The following STAU1 variants were observed in gnomAD, a reference collection of about 807,000 sequenced individuals.
STAU1 encodes the protein staufen double-stranded RNA binding protein 1.
Under a neutral mutation model 62.9 loss-of-function variants are expected in STAU1, and 13 were observed. The observed-to-expected ratio is 0.21, with a 90% CI of 0.13 to 0.33. The LOEUF (loss-of-function observed/expected upper bound fraction) is 0.33, where lower values mean the gene tolerates loss of function less well. Among genes scored for constraint, STAU1 ranks in the 10% least tolerant of loss-of-function variants. The pLI is 1.00. For synonymous variants in STAU1, 269 were observed against 265.1 expected (o/e 1.01, Z -0.14); for missense variants, 571 against 712.1 (o/e 0.80, Z 2.25).
intron 3 of STAU1, among the ~76,000 whole-genome samples, chr20:49,159,454 A>G (rs2093416995): frequency 6.6e-6 from 1 of 152,254 alleles, no homozygotes. Context: ...GCATTAGCCA[A>G]AATATAATAA....
upstream of STAU1, among the ~76,000 whole-genome samples, chr20:49,189,545 G>A (rs902054515): frequency 5.3e-5 from 8 of 150,624 alleles, no homozygotes; most frequent in South Asian, 8.4e-4. Context: ...TCTTGAACCC[G>A]GGAGACGGAG....
chr20:49,138,226 T>G (rs1485218002), intron 5 of STAU1, among the ~76,000 whole-genome samples: 7 of 152,004 alleles, frequency 4.6e-5, no homozygotes, highest in Admixed American at 4.6e-4. Flanking sequence ...GAGGCTGAGG[T>G]GGCTATGATC....
chr20:49,196,513 G>A, the STAU1 span, among the ~76,000 whole-genome samples: 15 of 150,968 alleles, frequency 9.9e-5, no homozygotes, highest in Admixed American at 9.9e-4. Context: ...GAGGCCAGGT[G>A]TGGCAGCTCA....
At chr20:49,178,224 A>G (rs2093683141) in intron 1 of STAU1, among the ~76,000 whole-genome samples, 1 of 152,152 alleles carries the variant, frequency 6.6e-6, no homozygotes, top group Non-Finnish European at 1.5e-5. Context: ...CTATTTTTTG[A>G]AATCCTCCAA....
the STAU1 span, among the ~76,000 whole-genome samples, chr20:49,196,444 C>CAAAAAAAAAA: frequency 7.6e-5 from 7 of 91,528 alleles, no homozygotes; most frequent in African/African-American, 1.9e-4. Flanking sequence ...CAAAACAAAA[C>CAAAAAAAAAA]AAAAAAAAAA....
In STAU1 at chr20:49,120,060, G is replaced by A. The variant is rs186525463; in HGVS notation, c.1035C>T (p.Ala345=). 59 of 1,614,158 alleles carry A rather than the reference G, an allele frequency of 3.7e-5. No homozygotes were observed. The East Asian group carries it at 5.8e-4, about 16-fold the overall frequency. Residue 345 remains alanine, a synonymous_variant, in exon 9 of 14, where the codon GCC becomes GCT. Transcript: ENST00000371856. The part of the protein sequence containing the change: ...TNKKVAKRNA[A]ENMLEILGFK... ...AACCAAGGATCTCCAGCATGTTCTC[G>A]GCTGCATTGCGCTTGGCCACCTTCT...
In STAU1 at chr20:49,153,923, A is replaced by T. The variant is rs74643561; in HGVS notation, c.344+10T>A. On this transcript the variant is annotated intron_variant, in intron 4 of 13. Coordinates refer to ENST00000371856, the MANE Select transcript of STAU1 (RefSeq NM_017453.4). ...GTATTTTACAAAAAAAAAAAAAAAAAAACACATACCTCGGGGGATAAGCAC... is the reference window on the plus strand; with the variant it reads ...GTATTTTACAAAAAAAAAAAAAAAATAACACATACCTCGGGGGATAAGCAC... The T allele has an allele frequency of 2.6e-6, 4 of 1,546,260 alleles. No individual in the cohort carries two copies. In the African/African-American group the frequency reaches 6.0e-5, roughly 23 times the overall value.
intron 1 of STAU1, among the ~76,000 whole-genome samples, chr20:49,180,338 C>CA (rs900053147): frequency 2.7e-5 from 4 of 150,666 alleles, no homozygotes; most frequent in African/African-American, 9.8e-5. Context: ...TTTTTCCCCC[C>CA]CTGGATACAG....
At position 49,125,198 on chromosome 20, in the gene STAU1, C is replaced by CAAAAAAAAAAA. The variant is rs1171534142; in HGVS notation, c.610-622_610-612dup. 2.7e-3 allele frequency among the ~76,000 whole-genome samples: 90 copies of CAAAAAAAAAAA among 33,728 alleles called. 4 individuals carry two copies. The highest frequency in any genetic ancestry group is 0.011 in the East Asian group (8 of 718). The allele number at this position is 33,728 out of a possible 152,430, so 22.1% of individuals were successfully genotyped here. A position where few individuals can be genotyped will look rare whatever the true frequency, so the allele number is the denominator to read the frequency against. The stretch of plus-strand genomic sequence containing the variant: ...ACACACATTTATAAGCTCATTTTTG[C>CAAAAAAAAAAA]AAAAAAAAAAAAAAAAAAAAAAAAA... On this transcript the variant is annotated intron_variant, in intron 6 of 13. Transcript: ENST00000371856.
At chr20:49,209,875 C>T in the STAU1 span, among the ~76,000 whole-genome samples, 2 of 151,922 alleles carry the variant, frequency 1.3e-5, no homozygotes, top group South Asian at 4.2e-4. Context: ...GGTGAAACCC[C>T]GTCTCTACTA....
At chr20:49,188,589 G>T (rs371433022), upstream of STAU1, among the ~76,000 whole-genome samples, 1 of 152,242 alleles carries the variant, frequency 6.6e-6, no homozygotes, top group Admixed American at 6.5e-5. Flanking sequence ...TGTAGTTCTG[G>T]TGGGAGTTTC....
chr20:49,219,224 G>T, the STAU1 span: 1 of 864,018 alleles, frequency 1.2e-6, no homozygotes, highest in Non-Finnish European at 1.8e-6. Context: ...GGAGACAATG[G>T]AATTTGCTTA....
chr20:49,118,098 TG>T lies in STAU1; in HGVS notation c.1190-3del, dbSNP rs756140295. 170 of 1,612,780 alleles carry T rather than the reference TG, an allele frequency of 1.1e-4. No homozygotes were observed. Among genetic ancestry groups the T allele is most frequent in the Non-Finnish European group, 1.4e-4 (163 of 1,179,162 alleles). The stretch of plus-strand genomic sequence containing the variant: ...TCCTGAACTCATCCTCTTTATTACC[TG>T]GGAGGGACATACACGGTAAACACGA... On this transcript the variant is annotated splice_region_variant and splice_polypyrimidine_tract_variant and intron_variant, in intron 10 of 13. Transcript: ENST00000371856.
chr20:49,197,385 ATTTTCTTTTCT>A, the STAU1 span, among the ~76,000 whole-genome samples: 2 of 146,572 alleles, frequency 1.4e-5, no homozygotes, highest in Admixed American at 6.9e-5. Context: ...CATATACATA[ATTTTCTTTTCT>A]TTTTCTTTTC....
the STAU1 span, among the ~76,000 whole-genome samples, chr20:49,217,369 A>G: frequency 6.6e-6 from 1 of 152,094 alleles, no homozygotes; most frequent in African/African-American, 2.4e-5. Flanking sequence ...CCCCAGGTAC[A>G]TGAGTCAGGT....
chr20:49,145,762 C>A (rs2093118100), intron 5 of STAU1, among the ~76,000 whole-genome samples: 1 of 151,850 alleles, frequency 6.6e-6, no homozygotes, highest in Admixed American at 6.6e-5. Context: ...CTGAGCCAGG[C>A]ACAAGCATGC....
chr20:49,217,520 G>C, the STAU1 span, among the ~76,000 whole-genome samples: 4 of 151,926 alleles, frequency 2.6e-5, no homozygotes, highest in African/African-American at 9.7e-5. Context: ...TTTGTATCCG[G>C]AGTTTTTCTT....
intron 6 of STAU1, among the ~76,000 whole-genome samples, chr20:49,130,721 A>T (rs1227920720): frequency 6.6e-6 from 1 of 152,196 alleles, no homozygotes; most frequent in East Asian, 1.9e-4. Context: ...CCACAGTGAT[A>T]ATCAATGCCA....
intron 1 of STAU1, among the ~76,000 whole-genome samples, chr20:49,181,242 C>T (rs1028172497): frequency 1.3e-5 from 2 of 152,132 alleles, no homozygotes; most frequent in African/African-American, 2.4e-5. Flanking sequence ...CTTTTAATTC[C>T]TTTTCTGCAT....
Sources: gnomAD v4.1 joint callset for allele counts (sites outside exome capture counted in the v4.1 genomes callset) on GRCh38, gnomAD v4.1.1 for gene constraint, MANE v1.5 for transcripts, NCBI Gene and HGNC (gene_info 2026-07-23, HGNC 2026-07-21) for gene names.